DLG5: variants seen among roughly 807,000 people sequenced by gnomAD.
DLG5 encodes disks large homolog 5.
A neutral mutation model predicts 189.8 loss-of-function variants in DLG5; 48 were observed. That is an observed-to-expected ratio of 0.25 (90% CI 0.20 to 0.32). The LOEUF is 0.32. DLG5 is among the 10% of genes least tolerant of loss of function. DLG5 has a pLI of 1.00. For synonymous variants in DLG5, 1,016 were observed against 1,054.1 expected (o/e 0.96, Z 0.70); for missense variants, 2,160 against 2,544.7 (o/e 0.85, Z 3.25).
Position 77,819,964 on chromosome 10 carries a change from C to T in DLG5, c.3457G>A (p.Ala1153Thr), listed in dbSNP as rs762393694. 5.1e-5 allele frequency: 82 copies of T among 1,612,324 alleles called. No homozygotes were observed. The highest frequency in any genetic ancestry group is 6.7e-5 in the African/African-American group (5 of 74,846). Residue 1153 changes from alanine (A) to threonine (T), a missense_variant, in exon 16 of 32, where the codon GCA (alanine) becomes ACA (threonine). This residue lies in a region of DLG5 where 754 missense variants were observed against 746.5 expected (regional missense o/e 1.01). Coordinates refer to ENST00000372391, the MANE Select transcript of DLG5 (RefSeq NM_004747.4). Reference sequence around the variant, plus strand: ...CTGGAATGCCCAGGCGAGTAAGGTGCCCACTCCTGGAGCTCCGGGGAGAGT... The same window carrying T: ...CTGGAATGCCCAGGCGAGTAAGGTGTCCACTCCTGGAGCTCCGGGGAGAGT... Reference protein sequence around the residue: ...GELSPELQEWAPYSPGHSSRH... With the variant: ...GELSPELQEWTPYSPGHSSRH...
chr10:77,837,879 C>G (rs1388709634), intron 7 of DLG5, among the ~76,000 whole-genome samples: 1 of 152,208 alleles, frequency 6.6e-6, no homozygotes, highest in Non-Finnish European at 1.5e-5. Flanking sequence ...AAGACACTTG[C>G]CAGACCCAGG....
intron 2 of DLG5, among the ~76,000 whole-genome samples, chr10:77,862,171 G>C (rs1271130877): frequency 6.6e-6 from 1 of 152,046 alleles, no homozygotes; most frequent in African/African-American, 2.4e-5. Flanking sequence ...TGGTTGTCAG[G>C]ATCCCTCAAA....
chr10:77,921,440 G>C (rs1012477470), intron 1 of DLG5, among the ~76,000 whole-genome samples: 2 of 151,992 alleles, frequency 1.3e-5, no homozygotes, highest in African/African-American at 2.4e-5. Context: ...TTATTCCCTT[G>C]GGGAAAAAAA....
At chr10:77,920,005 A>G (rs1846488688) in intron 1 of DLG5, among the ~76,000 whole-genome samples, 1 of 152,192 alleles carries the variant, frequency 6.6e-6, no homozygotes, top group Admixed American at 6.5e-5. Context: ...ATTATCGAAC[A>G]CCTATCTTGT....
intron 27 of DLG5, among the ~76,000 whole-genome samples, chr10:77,801,800 C>T (rs1333397265): frequency 6.6e-6 from 1 of 152,124 alleles, no homozygotes; most frequent in African/African-American, 2.4e-5. Context: ...ACAAGTGTCC[C>T]CCAAAGACTG....
chr10:77,876,170 TAA>T (rs555146576), intron 1 of DLG5, among the ~76,000 whole-genome samples: 15 of 143,544 alleles, frequency 1.0e-4, no homozygotes, highest in Admixed American at 7.0e-5. Context: ...ATCACTGCGC[TAA>T]AAAAAAAAAA....
intron 27 of DLG5, among the ~76,000 whole-genome samples, chr10:77,800,816 T>C (rs1841165674): frequency 1.3e-5 from 2 of 152,178 alleles, no homozygotes; most frequent in Admixed American, 1.3e-4. Flanking sequence ...CTCCCAGTGC[T>C]GAAGAGTGAG....
rs759880264 is a variant in DLG5, at chr10:77,835,811, C to T, written c.1549G>A (p.Asp517Asn). ...CAGTCCCGCCGGCACTTGGCCACATCCGCCTCCTGGAGGGCTTCCTTCAGC... is the reference window on the plus strand; with the variant it reads ...CAGTCCCGCCGGCACTTGGCCACATTCGCCTCCTGGAGGGCTTCCTTCAGC... Reference protein sequence around the residue: ...QELKEALQEADVAKCRRDWAF... With the variant: ...QELKEALQEANVAKCRRDWAF... Residue 517 changes from aspartate (D) to asparagine (N), a missense_variant, in exon 8 of 32, where the codon GAT becomes AAT. Asp to Asn is a conservative substitution (Grantham distance 23, BLOSUM62 1). Around this residue, in one of 5 missense-constraint regions of DLG5, gnomAD observed 664 missense variants for 838.5 expected, o/e 0.79. Coordinates refer to ENST00000372391, the MANE Select transcript of DLG5 (RefSeq NM_004747.4). 1 of 1,614,126 alleles carries T rather than the reference C, an allele frequency of 6.2e-7. No homozygotes were observed.
chr10:77,938,383 A>G, the DLG5 span, among the ~76,000 whole-genome samples: 2 of 152,094 alleles, frequency 1.3e-5, no homozygotes, highest in African/African-American at 4.8e-5. Context: ...GTGAGCTATG[A>G]TTGTGCCACT....
intron 1 of DLG5, among the ~76,000 whole-genome samples, chr10:77,871,534 C>T (rs1257112828): frequency 9.3e-6 from 1 of 107,392 alleles, no homozygotes; most frequent in Non-Finnish European, 2.0e-5. Context: ...ATAAGCATCA[C>T]ACTTTTTTTT....
intron 1 of DLG5, among the ~76,000 whole-genome samples, chr10:77,905,415 T>C (rs55910200): frequency 0.19 from 29,123 of 152,156 alleles, 3,378 homozygotes; most frequent in South Asian, 0.27. Flanking sequence ...TATGGGTTTT[T>C]ACAAGCACTG....
chr10:77,851,280 A>G (rs1843962473), intron 5 of DLG5, among the ~76,000 whole-genome samples: 1 of 152,208 alleles, frequency 6.6e-6, no homozygotes, highest in Admixed American at 6.5e-5. Flanking sequence ...ACAGTCTTTA[A>G]ATCTGTTTGC....
chr10:77,913,061 A>G (rs1846268625), intron 1 of DLG5, among the ~76,000 whole-genome samples: 2 of 152,346 alleles, frequency 1.3e-5, no homozygotes, highest in South Asian at 4.1e-4. Context: ...TGCAGTTAAC[A>G]AAAAAGACCT....
chr10:77,883,688 GTTCTT>G (rs1845350832), intron 1 of DLG5, among the ~76,000 whole-genome samples: 1 of 124,602 alleles, frequency 8.0e-6, no homozygotes, highest in African/African-American at 3.3e-5. Context: ...AAGTAACATT[GTTCTT>G]TTTTTTTTTT....
At chr10:77,888,302 A>G (rs1294884106) in intron 1 of DLG5, among the ~76,000 whole-genome samples, 1 of 152,178 alleles carries the variant, frequency 6.6e-6, no homozygotes, top group African/African-American at 2.4e-5. Flanking sequence ...CAGCAGCCTC[A>G]GAGGAAAGAC....
chr10:77,811,186 G>T lies in DLG5; in HGVS notation c.4371C>A (p.Gly1457=). The T allele has an allele frequency of 6.2e-7, 1 of 1,613,382 alleles. No individual in the cohort carries two copies. Among genetic ancestry groups the T allele is most frequent in the Non-Finnish European group, 8.5e-7 (1 of 1,179,974 alleles). The change falls in exon 23 of 32, where the codon GGC becomes GGA. Residue 1457 remains glycine (G), a synonymous_variant. Coordinates refer to ENST00000372391, the MANE Select transcript of DLG5 (RefSeq NM_004747.4). ...CAGATGGATGCTCCGGGGTGGTGGT[G>T]CCACTGCCCTGGAGAGTGGAGTGGG... ...AGTHSTLQGS[G]TTTPEHPSVI... is the part of the protein sequence containing the mutation.
intron 2 of DLG5, 25 bp downstream of exon 2, chr10:77,869,104 G>A (rs201182388): frequency 6.2e-7 from 1 of 1,609,212 alleles, no homozygotes; most frequent in Admixed American, 1.7e-5. Context: ...CCCACCCGGT[G>A]TCCTCCCCAG....
intron 1 of DLG5, among the ~76,000 whole-genome samples, chr10:77,906,749 C>T (rs989152294): frequency 1.2e-4 from 18 of 151,916 alleles, no homozygotes; most frequent in Admixed American, 4.6e-4. Context: ...CTCAGCCTCC[C>T]GAGCAGCTGG....
At chr10:77,861,108 T>C (rs1360071749) in intron 2 of DLG5, among the ~76,000 whole-genome samples, 3 of 152,178 alleles carry the variant, frequency 2.0e-5, no homozygotes, top group Non-Finnish European at 4.4e-5. Context: ...GTCTCATCTC[T>C]GTAATGTCAC....
Sources: allele counts gnomAD v4.1 joint callset (sites outside exome capture counted in the v4.1 genomes callset), GRCh38; gene constraint gnomAD v4.1.1; regional missense constraint gnomAD v4.1.1; transcripts MANE v1.5; gene names NCBI Gene and HGNC (gene_info 2026-07-23, HGNC 2026-07-21).